GGACT: variants seen among roughly 807,000 people sequenced by gnomAD.
GGACT encodes the protein gamma-glutamylaminecyclotransferase.
For synonymous variants in GGACT, 118 were observed against 115.3 expected, an observed-to-expected ratio of 1.02 and a Z score of -0.15; for missense variants, 241 against 233.2, an observed-to-expected ratio of 1.03 and a Z score of -0.22.
At chr13:100,584,423 T>G (rs945294699) in intron 1 of GGACT, among the ~76,000 whole-genome samples, 1 of 152,006 alleles carries the variant, frequency 6.6e-6, no homozygotes, top group Non-Finnish European at 1.5e-5. Context: ...AGCCAAAAAT[T>G]AAAACAATTG....
At chr13:100,559,822 T>C (rs533325966) in intron 2 of GGACT, among the ~76,000 whole-genome samples, 9 of 152,354 alleles carry the variant, frequency 5.9e-5, no homozygotes, top group Non-Finnish European at 1.2e-4. Context: ...AAAAGAAATC[T>C]AGCTGTTAAA....
At chr13:100,557,710 A>G (rs1479801724) in intron 2 of GGACT, among the ~76,000 whole-genome samples, 1 of 152,238 alleles carries the variant, frequency 6.6e-6, no homozygotes, top group African/African-American at 2.4e-5. Flanking sequence ...AGAAAACATG[A>G]ATAAGTTTTG....
chr13:100,549,265 G>C (rs1230738963), intron 2 of GGACT, among the ~76,000 whole-genome samples: 1 of 152,210 alleles, frequency 6.6e-6, no homozygotes, highest in Non-Finnish European at 1.5e-5. Context: ...CTTGAACCTG[G>C]GAGGCGGAGG....
At chr13:100,555,282 T>C (rs1028837026) in intron 2 of GGACT, among the ~76,000 whole-genome samples, 2 of 152,148 alleles carry the variant, frequency 1.3e-5, no homozygotes, top group Non-Finnish European at 2.9e-5. Flanking sequence ...CCCAGCACTT[T>C]GGGAGGCCAA....
chr13:100,544,191 C>T (rs1189315273), intron 2 of GGACT, among the ~76,000 whole-genome samples: 3 of 152,318 alleles, frequency 2.0e-5, no homozygotes, highest in East Asian at 3.9e-4. Context: ...ATTATTTTCC[C>T]TGGAGAAAAC....
chr13:100,535,459 T>C (rs1307894658), intron 2 of GGACT, among the ~76,000 whole-genome samples: 1 of 152,204 alleles, frequency 6.6e-6, no homozygotes, highest in Non-Finnish European at 1.5e-5. Context: ...TCATATAACC[T>C]CTCTGTGCCT....
chr13:100,584,339 C>T (rs950735203), intron 1 of GGACT, among the ~76,000 whole-genome samples: 1 of 152,096 alleles, frequency 6.6e-6, no homozygotes, highest in Non-Finnish European at 1.5e-5. Flanking sequence ...ATGGTGCAGC[C>T]GGAGGTCGTT....
intron 2 of GGACT, among the ~76,000 whole-genome samples, chr13:100,565,709 G>C (rs116810523): frequency 4.4e-3 from 672 of 152,228 alleles, no homozygotes; most frequent in African/African-American, 0.016. Flanking sequence ...CTCAGAGCTA[G>C]AGTGATACCT....
intron 1 of GGACT, chr13:100,586,815 A>G (rs897753525): frequency 2.6e-5 from 4 of 152,244 alleles, no homozygotes; most frequent in Non-Finnish European, 2.9e-5. Flanking sequence ...CTGTAAATCC[A>G]TTTAAGGGGG....
At chr13:100,558,887 A>C (rs922372099) in intron 2 of GGACT, among the ~76,000 whole-genome samples, 1 of 152,172 alleles carries the variant, frequency 6.6e-6, no homozygotes, top group Non-Finnish European at 1.5e-5. Context: ...CAGTTAGATG[A>C]GAGGAGTTAA....
chr13:100,564,442 T>C (rs2088792717), intron 2 of GGACT, among the ~76,000 whole-genome samples: 1 of 152,168 alleles, frequency 6.6e-6, no homozygotes, highest in Admixed American at 6.5e-5. Flanking sequence ...GTATTAAAGA[T>C]TGAAGATTTG....
chr13:100,552,445 C>T (rs2088672997), intron 2 of GGACT, among the ~76,000 whole-genome samples: 1 of 152,202 alleles, frequency 6.6e-6, no homozygotes, highest in African/African-American at 2.4e-5. Flanking sequence ...GGGAAGTTCT[C>T]TGTTGAAGAA....
chr13:100,565,501 C>G (rs1426921405), intron 2 of GGACT, among the ~76,000 whole-genome samples: 1 of 151,380 alleles, frequency 6.6e-6, no homozygotes, highest in Non-Finnish European at 1.5e-5. Context: ...AACGAGGTCG[C>G]TGCCTTGTAG....
intron 1 of GGACT, among the ~76,000 whole-genome samples, chr13:100,585,506 G>A (rs923682350): frequency 1.5e-4 from 23 of 152,070 alleles, no homozygotes; most frequent in Admixed American, 1.1e-3. Context: ...GGTGGCTCAC[G>A]GCTGTAATCG....
chr13:100,566,707 CT>C (rs1384940462), intron 2 of GGACT, among the ~76,000 whole-genome samples: 1 of 152,222 alleles, frequency 6.6e-6, no homozygotes, highest in Non-Finnish European at 1.5e-5. Context: ...ACCTGATGCC[CT>C]TTATCCCTGA....
At chr13:100,567,402 C>T (rs1347456848) in intron 2 of GGACT, among the ~76,000 whole-genome samples, 3 of 152,206 alleles carry the variant, frequency 2.0e-5, no homozygotes, top group South Asian at 4.1e-4. Context: ...TGAATTCCAG[C>T]AAGCTTCTCT....
intron 2 of GGACT, among the ~76,000 whole-genome samples, chr13:100,567,994 G>C (rs1182433211): frequency 6.6e-6 from 1 of 152,194 alleles, no homozygotes; most frequent in African/African-American, 2.4e-5. Flanking sequence ...GCATGAGGCA[G>C]GGCAGGTGAA....
At chr13:100,565,839 C>T (rs938462882) in intron 2 of GGACT, among the ~76,000 whole-genome samples, 6 of 152,174 alleles carry the variant, frequency 3.9e-5, no homozygotes, top group African/African-American at 1.4e-4. Context: ...CTGTGTGATT[C>T]CTGCCCCTCC....
intron 2 of GGACT, among the ~76,000 whole-genome samples, chr13:100,544,688 C>A (rs1438658615): frequency 1.3e-5 from 2 of 152,212 alleles, no homozygotes; most frequent in Admixed American, 6.5e-5. Flanking sequence ...TCCTCAGCAA[C>A]CATCCCTTGA....
Sources: allele counts gnomAD v4.1 joint callset (sites outside exome capture counted in the v4.1 genomes callset), GRCh38; gene constraint gnomAD v4.1.1; transcripts MANE v1.5; gene names NCBI Gene and HGNC (gene_info 2026-07-23, HGNC 2026-07-21).